The following VNN2 variants were observed in gnomAD, a reference collection of about 807,000 sequenced individuals.
VNN2 encodes pantetheine hydrolase VNN2.
In VNN2, 43 loss-of-function variants were observed where a neutral mutation model predicts 43.0. The ratio of observed to expected loss-of-function variants is 1.00; its 90% CI spans 0.78 to 1.29. The LOEUF is 1.29. Among genes scored for constraint, VNN2 ranks in the 50% most tolerant of loss-of-function variants. The pLI is 0.00. For missense variants in VNN2, 652 were observed against 619.7 expected (o/e 1.05, Z -0.55); for synonymous variants, 230 against 224.3 (o/e 1.03, Z -0.23).
In VNN2 at chr6:132,752,718, A is replaced by C. The variant is rs761515858; in HGVS notation, c.569T>G (p.Val190Gly). Residue 190 changes from valine to glycine, a missense_variant, in exon 4 of 7, where the codon GTC (valine) becomes GGC (glycine). By Grantham distance (109) the Val-to-Gly change is moderately radical. Transcript: ENST00000326499. ...YHLYSEPQFN[V>G]PEKPELVTFN... The stretch of plus-strand genomic sequence containing the variant: ...AGTCACCAACTCCGGCTTTTCAGGG[A>C]CATTAAACTGAGGCTCAGAGTACAG... 1.9e-6 allele frequency: 3 copies of C among 1,614,106 alleles called. No individual in the cohort carries two copies. The highest frequency in any genetic ancestry group is 2.2e-5 in the South Asian group (2 of 91,080).
upstream of VNN2, among the ~76,000 whole-genome samples, chr6:132,760,322 G>A (rs1045879353): frequency 1.3e-5 from 2 of 151,958 alleles, no homozygotes; most frequent in Non-Finnish European, 2.9e-5. Context: ...CACCAGGTAC[G>A]CACCAACATG....
At chr6:132,749,989 T>C in intron 5 of VNN2, 124 bp from the exon 6 acceptor site, 2 of 933,848 alleles carry the variant, frequency 2.1e-6, no homozygotes, top group Non-Finnish European at 3.1e-6. Context: ...GGGATTTGGA[T>C]CATGTGTCTT....
chr6:132,759,359 A>T (rs1780675457), upstream of VNN2, among the ~76,000 whole-genome samples: 1 of 148,974 alleles, frequency 6.7e-6, no homozygotes, highest in South Asian at 2.1e-4. Context: ...GAATCGCTGG[A>T]ACCCAGGAGG....
At chr6:132,746,598 C>T (rs1225065215) in intron 6 of VNN2, among the ~76,000 whole-genome samples, 1 of 152,074 alleles carries the variant, frequency 6.6e-6, no homozygotes, top group Admixed American at 6.6e-5. Flanking sequence ...ACATGGTCTT[C>T]AGATCACCAG....
In VNN2 at chr6:132,755,834, C is replaced by T; in HGVS notation, c.537+9G>A. ...CGCTCCATTTTACACGTCCGTCACT[C>T]TCTCTTACCTTATGGTAACGTGCCA... On this transcript the variant is annotated intron_variant, in intron 3 of 6. Transcript: ENST00000326499. The T allele has an allele frequency of 6.2e-7, 1 of 1,602,972 alleles. No individual in the cohort carries two copies. Among genetic ancestry groups the T allele is most frequent in the Non-Finnish European group, 8.5e-7 (1 of 1,173,732 alleles).
At chr6:132,752,317 G>T (rs751235499) in intron 4 of VNN2, 144 bp downstream of exon 4, 7 of 916,220 alleles carry the variant, frequency 7.6e-6, no homozygotes, top group Non-Finnish European at 1.1e-5. Flanking sequence ...ATAATCAAGT[G>T]CTAGCTTTTT....
chr6:132,752,985 CTCAGT>C (rs1780221821), intron 3 of VNN2: 1 of 459,230 alleles, frequency 2.2e-6, no homozygotes, highest in Non-Finnish European at 3.8e-6. Context: ...TTCCCTCTCT[CTCAGT>C]TAAGAGCCAA....
At chr6:132,762,911 A>T (rs1780770160) in intron 1 of VNN2, among the ~76,000 whole-genome samples, 1 of 152,192 alleles carries the variant, frequency 6.6e-6, no homozygotes, top group African/African-American at 2.4e-5. Context: ...CCTTTGAGTT[A>T]GTAGCATCCT....
At chr6:132,750,222 A>C (rs1270485052) in intron 5 of VNN2, among the ~76,000 whole-genome samples, 1 of 152,098 alleles carries the variant, frequency 6.6e-6, no homozygotes, top group Admixed American at 6.6e-5. Context: ...TCCACCCTTT[A>C]ATCTCACCTC....
chr6:132,744,424 A>G lies in VNN2; in HGVS notation c.1439T>C (p.Phe480Ser), dbSNP rs1289596771. 4 of 1,613,412 alleles carry G rather than the reference A, an allele frequency of 2.5e-6. No homozygotes were observed. Among genetic ancestry groups the G allele is most frequent in the South Asian group, 2.2e-5 (2 of 90,958 alleles). ...TGAGTCCTTTGTGTACCACCTCCCA[A>G]AGAGTGACACTGTTAGTATAGGCCC... Reference protein sequence around the residue: ...SSGPILTVSLFGRWYTKDSLY... With the variant: ...SSGPILTVSLSGRWYTKDSLY... The change falls in exon 7 of 7, where the codon TTT becomes TCT. Residue 480 changes from phenylalanine (F) to serine (S), a missense_variant. By Grantham distance (155) the Phe-to-Ser change is radical. Transcript: ENST00000326499.
intron 3 of VNN2, chr6:132,753,554 A>T (rs1780266210): frequency 2.3e-6 from 1 of 437,604 alleles, no homozygotes; most frequent in Admixed American, 2.7e-5. Flanking sequence ...ACTAAAAAAA[A>T]ACTTAGTCTA....
intron 1 of VNN2, 61 bp from the exon 2 acceptor site, chr6:132,757,607 T>C: frequency 6.2e-7 from 1 of 1,607,584 alleles, no homozygotes; most frequent in Non-Finnish European, 8.5e-7. Context: ...AATTCAGCTC[T>C]CTCGTCTTCC....
intron 4 of VNN2, 119 bp downstream of exon 4, chr6:132,752,342 A>G (rs1780158300): frequency 5.7e-6 from 7 of 1,220,030 alleles, no homozygotes; most frequent in Non-Finnish European, 7.8e-6. Flanking sequence ...CTATTGTGAA[A>G]CTATGACAAA....
chr6:132,746,704 A>G (rs1779738733), intron 6 of VNN2, among the ~76,000 whole-genome samples: 1 of 152,182 alleles, frequency 6.6e-6, no homozygotes, highest in Non-Finnish European at 1.5e-5. Flanking sequence ...TTCTGCACTC[A>G]CAAAACAAAC....
rs749519247 is a variant in VNN2, at chr6:132,751,288, CA to C, written c.1056del (p.Phe352LeufsTer18). On this transcript the variant is annotated frameshift_variant, in exon 5 of 7. Transcript: ENST00000326499. LOFTEE classifies it high-confidence loss of function. ...SRDGFNFTELFENAGNLTVCQ... is the reference protein window; with the variant it reads ...SRDGFNFTELXENAGNLTVCQ... ...CAGACTGTAAGGTTTCCTGCATTTT[CA>C]AAAAGTTCTGTGAAGTTGAACCCAT... 3 of 1,614,120 alleles carry C rather than the reference CA, an allele frequency of 1.9e-6. No homozygotes were observed. Among genetic ancestry groups the C allele is most frequent in the South Asian group, 2.2e-5 (2 of 91,080 alleles).
chr6:132,760,814 T>C (rs1476359666), upstream of VNN2: 1 of 152,176 alleles, frequency 6.6e-6, no homozygotes, highest in African/African-American at 2.4e-5. Flanking sequence ...CTGTAAAAGA[T>C]AGAAATGATG....
chr6:132,749,447 C>G (rs1047634538), intron 6 of VNN2, among the ~76,000 whole-genome samples: 1 of 152,108 alleles, frequency 6.6e-6, no homozygotes, highest in Admixed American at 6.6e-5. Context: ...ACTGGTCAGT[C>G]CTAATCAACC....
upstream of VNN2, among the ~76,000 whole-genome samples, chr6:132,762,756 T>C (rs1336351659): frequency 3.3e-5 from 5 of 152,240 alleles, no homozygotes; most frequent in Admixed American, 6.5e-5. Context: ...TTGGATTCTC[T>C]GAAAGCACTG....
At chr6:132,761,652 T>A (rs1198589499), upstream of VNN2, among the ~76,000 whole-genome samples, 2 of 152,154 alleles carry the variant, frequency 1.3e-5, no homozygotes, top group Non-Finnish European at 2.9e-5. Context: ...AGAGTGAGAC[T>A]CTGTCTCAAA....
Sources: allele counts gnomAD v4.1 joint callset (sites outside exome capture counted in the v4.1 genomes callset), GRCh38; gene constraint gnomAD v4.1.1; transcripts MANE v1.5; gene names NCBI Gene and HGNC (gene_info 2026-07-23, HGNC 2026-07-21).